RIMBP2: variants seen among roughly 807,000 people sequenced by gnomAD.
RIMBP2 encodes RIMS binding protein 2, also known as RIMS-binding protein 2.
A neutral mutation model predicts 118.6 loss-of-function variants in RIMBP2; 48 were observed. That is an observed-to-expected ratio of 0.40 (90% confidence interval 0.32 to 0.51). The LOEUF is 0.51. RIMBP2 is among the 20% of genes least tolerant of loss of function. The pLI is 0.41. For missense variants in RIMBP2, 1,551 were observed against 1,768.3 expected (o/e 0.88, Z 2.20); for synonymous variants, 762 against 742.9 (o/e 1.03, Z -0.42).
rs374273995 is a variant in RIMBP2 at position 130,694,381 on chromosome 12, T to C, written c.-352+21841A>G. 4.6e-5 allele frequency among the ~76,000 whole-genome samples: 7 copies of C among 152,164 alleles called. No individual in the cohort carries two copies. In the East Asian group the frequency reaches 1.2e-3, roughly 25 times the overall value. ...AGGAGGCAGAAAAATCATCTGAAAG[T>C]GGATATTCAACCATGTCATTCTACA... On this transcript the variant is annotated intron_variant, in intron 1 of 22. Coordinates refer to ENST00000690449, the MANE Select transcript of RIMBP2 (RefSeq NM_001393629.1).
chr12:130,669,411 C>G (rs11061069), intron 1 of RIMBP2, among the ~76,000 whole-genome samples: 12,281 of 152,212 alleles, frequency 0.081, 609 homozygotes, highest in East Asian at 0.22. Flanking sequence ...TCCCCATAAT[C>G]CCCACGTGTC....
At chr12:130,564,771 T>C (rs1004290242) in intron 2 of RIMBP2, among the ~76,000 whole-genome samples, 1 of 152,178 alleles carries the variant, frequency 6.6e-6, no homozygotes, top group African/African-American at 2.4e-5. Flanking sequence ...AGTTCACTGA[T>C]ATACAAGATG....
intron 1 of RIMBP2, among the ~76,000 whole-genome samples, chr12:130,652,620 G>A (rs138816970): frequency 0.01 from 1,557 of 152,174 alleles, 13 homozygotes; most frequent in South Asian, 0.063. Context: ...TGGTCTTGCA[G>A]GGCTCTTAGG....
intron 1 of RIMBP2, among the ~76,000 whole-genome samples, chr12:130,709,896 G>C (rs1378376021): frequency 6.6e-6 from 1 of 152,146 alleles, no homozygotes; most frequent in Non-Finnish European, 1.5e-5. Context: ...CTTTTTGGTA[G>C]CACTGGGCAG....
intron 4 of RIMBP2, among the ~76,000 whole-genome samples, chr12:130,500,596 G>A (rs2049660946): frequency 6.7e-6 from 1 of 149,050 alleles, no homozygotes; most frequent in Non-Finnish European, 1.5e-5. Flanking sequence ...GCACATCAGT[G>A]ATATTTGGAA....
chr12:130,518,256 T>C (rs931643512), intron 2 of RIMBP2, among the ~76,000 whole-genome samples: 1 of 152,216 alleles, frequency 6.6e-6, no homozygotes, highest in Non-Finnish European at 1.5e-5. Context: ...CCGTGAACAC[T>C]GCTCCAAACA....
At chr12:130,699,306 T>G (rs1367493264) in intron 1 of RIMBP2, among the ~76,000 whole-genome samples, 1 of 152,054 alleles carries the variant, frequency 6.6e-6, no homozygotes, top group Non-Finnish European at 1.5e-5. Flanking sequence ...CTATTCACAA[T>G]AGCAAAGACT....
At position 130,677,092 on chromosome 12, in the gene RIMBP2, G is replaced by A. The variant is rs532030225; in HGVS notation, c.-352+39130C>T. 7.2e-5 allele frequency among the ~76,000 whole-genome samples: 11 copies of A among 152,306 alleles called. No homozygotes were observed. The South Asian group carries it at 2.3e-3, about 32-fold the overall frequency. On this transcript the variant is annotated intron_variant, in intron 1 of 22. Coordinates refer to ENST00000690449, the MANE Select transcript of RIMBP2 (RefSeq NM_001393629.1). The stretch of plus-strand genomic sequence containing the variant: ...AGGTGATTGTGGTGCCCAGGGGACA[G>A]CAGGTGATGCCTGGAGACATTTTTG...
chr12:130,646,871 A>G (rs1261311162), intron 1 of RIMBP2, among the ~76,000 whole-genome samples: 2 of 152,246 alleles, frequency 1.3e-5, no homozygotes, highest in Admixed American at 1.3e-4. Context: ...CGCCATGGGC[A>G]TGACAGTGGG....
intron 1 of RIMBP2, among the ~76,000 whole-genome samples, chr12:130,646,044 T>TCACTAC (rs1566421662): frequency 1.4e-5 from 2 of 138,144 alleles, no homozygotes; most frequent in African/African-American, 2.5e-5. Flanking sequence ...GCCAGTTCCC[T>TCACTAC]CTCCACCTCC....
At position 130,623,101 on chromosome 12, in the gene RIMBP2, C is replaced by A. The variant is rs2061420498; in HGVS notation, c.-217+5221G>T. On this transcript the variant is annotated intron_variant, in intron 2 of 22. Transcript: ENST00000690449. This position sits in a 1 kb window ranked among gnomAD's most constrained non-coding sequence, Gnocchi z 4.1. ...GGTTGCTGGGCTACTTACACAAATA[C>A]ATATAAAACGAAGGTCAACTGAATA... Among the ~76,000 whole-genome samples the A allele has an allele frequency of 6.6e-6, 1 of 152,162 alleles. No individual in the cohort carries two copies. The highest frequency in any genetic ancestry group is 2.1e-4 in the South Asian group (1 of 4,832).
At chr12:130,655,619 G>GA (rs973191204) in intron 1 of RIMBP2, among the ~76,000 whole-genome samples, 51 of 152,270 alleles carry the variant, frequency 3.3e-4, no homozygotes, top group African/African-American at 1.2e-3. Flanking sequence ...CATAGACACA[G>GA]AAAAAAATGT....
chr12:130,680,113 T>C (rs7308461), intron 1 of RIMBP2, among the ~76,000 whole-genome samples: 85,551 of 151,946 alleles, frequency 0.56, 24,288 homozygotes, highest in South Asian at 0.62. Flanking sequence ...GCAGGCAATA[T>C]GCTTTGTATG....
intron 2 of RIMBP2, among the ~76,000 whole-genome samples, chr12:130,565,136 T>C (rs895900346): frequency 3.3e-5 from 5 of 152,210 alleles, no homozygotes; most frequent in Non-Finnish European, 7.3e-5. Context: ...TTTTTATTTA[T>C]TTTTTTGAGA....
intron 1 of RIMBP2, among the ~76,000 whole-genome samples, chr12:130,693,307 C>T (rs2065419736): frequency 6.6e-6 from 1 of 152,178 alleles, no homozygotes; most frequent in African/African-American, 2.4e-5. Flanking sequence ...TCTCTCACTC[C>T]ATTCTTAGAG....
rs967487315 is a variant in RIMBP2 at position 130,414,295 on chromosome 12, G to A, written c.3250C>T (p.Arg1084Ter). Reference protein sequence around the residue: ...VTVPSIDDYGRDRLSPDFYEE... With the variant: ...VTVPSIDDYG ...TAGAAGTCTGGAGAAAGGCGGTCTCGCCCGTAATCGTCTGCGAGCAAGTGG... is the reference window on the plus strand; with the variant it reads ...TAGAAGTCTGGAGAAAGGCGGTCTCACCCGTAATCGTCTGCGAGCAAGTGG... The change falls in exon 18 of 23, where the codon CGA (arginine) becomes TGA (stop). Residue 1084 changes from arginine (R) to a stop codon, truncating the protein, a stop_gained. Coordinates refer to ENST00000690449, the MANE Select transcript of RIMBP2 (RefSeq NM_001393629.1). LOFTEE classifies it high-confidence loss of function. The A allele has an allele frequency of 1.3e-6, 2 of 1,589,098 alleles. No homozygotes were observed. The highest frequency in any genetic ancestry group is 8.6e-7 in the Non-Finnish European group (1 of 1,165,736).
intron 5 of RIMBP2, among the ~76,000 whole-genome samples, chr12:130,477,113 A>G (rs2081497095): frequency 2.0e-5 from 3 of 152,298 alleles, no homozygotes; most frequent in East Asian, 1.9e-4. Context: ...CCCTCGCCCC[A>G]CTAGTGAAGC....
chr12:130,516,468 C>T (rs1252649418), intron 3 of RIMBP2, among the ~76,000 whole-genome samples: 2 of 152,116 alleles, frequency 1.3e-5, no homozygotes, highest in Non-Finnish European at 2.9e-5. Flanking sequence ...AGTGAAGACC[C>T]GTGATAGACT....
chr12:130,649,191 C>T lies in RIMBP2; in HGVS notation c.-351-20735G>A, dbSNP rs559212019. 2.7e-5 allele frequency among the ~76,000 whole-genome samples: 4 copies of T among 146,162 alleles called. No individual in the cohort carries two copies. In the South Asian group the frequency reaches 8.5e-4, roughly 31 times the overall value. Reference sequence around the variant, plus strand: ...AAGAGAGCAACCGGAGGGACAGAACCGTGCCAAGCGCGTGTGTGACTGCAA... The same window carrying T: ...AAGAGAGCAACCGGAGGGACAGAACTGTGCCAAGCGCGTGTGTGACTGCAA... On this transcript the variant is annotated intron_variant, in intron 1 of 22. Transcript: ENST00000690449.
Sources: allele counts gnomAD v4.1 joint callset (sites outside exome capture counted in the v4.1 genomes callset), GRCh38; gene constraint gnomAD v4.1.1; non-coding constraint Gnocchi (gnomAD v3.1); transcripts MANE v1.5; gene names NCBI Gene and HGNC (gene_info 2026-07-23, HGNC 2026-07-21).